MAP3K20: variants seen among roughly 807,000 people sequenced by gnomAD.
MAP3K20 encodes the protein mitogen-activated protein kinase kinase kinase 20.
Under a neutral mutation model 85.7 loss-of-function variants are expected in MAP3K20, and 40 were observed. The observed-to-expected ratio is 0.47, with a 90% CI of 0.36 to 0.61. MAP3K20 has a LOEUF of 0.61. Ranked by LOEUF, MAP3K20 falls within the 20% of genes least tolerant of loss-of-function variation. MAP3K20 has a pLI of 0.00. For missense variants in MAP3K20, 817 were observed against 961.7 expected, an observed-to-expected ratio of 0.85 and a Z score of 1.99; for synonymous variants, 325 against 327.7, an observed-to-expected ratio of 0.99 and a Z score of 0.09.
intron 7 of MAP3K20, chr2:173,193,016 C>A (rs1690709017): frequency 6.6e-6 from 1 of 152,178 alleles, no homozygotes; most frequent in South Asian, 2.1e-4. Context: ...ATGAAAAAGC[C>A]ACTCTGTATT....
At chr2:173,119,441 C>T (rs1688216249) in intron 2 of MAP3K20, among the ~76,000 whole-genome samples, 1 of 152,192 alleles carries the variant, frequency 6.6e-6, no homozygotes, top group Non-Finnish European at 1.5e-5. Flanking sequence ...CCATCATGGC[C>T]ACTGGAGGAA....
At chr2:173,240,798 G>T (rs1370288942) in intron 16 of MAP3K20, among the ~76,000 whole-genome samples, 1 of 152,168 alleles carries the variant, frequency 6.6e-6, no homozygotes, top group African/African-American at 2.4e-5. Context: ...TCAATATATT[G>T]AAGAGATATC....
chr2:173,107,891 C>T (rs1019859767), intron 2 of MAP3K20, among the ~76,000 whole-genome samples: 4 of 152,092 alleles, frequency 2.6e-5, no homozygotes, highest in African/African-American at 4.8e-5. Context: ...AGCAGACAGT[C>T]GGAACATATT....
At chr2:173,224,613 ATTGGCCTCAGTGAAGAGC>A in intron 11 of MAP3K20, 1 of 985,400 alleles carries the variant, frequency 1.0e-6, no homozygotes. Context: ...ATACAGCAGA[ATTGGCCTCAGTGAAGAGC>A]TTAAAATTGT....
intron 2 of MAP3K20, among the ~76,000 whole-genome samples, chr2:173,155,800 C>T (rs186576084): frequency 7.2e-5 from 11 of 152,272 alleles, no homozygotes; most frequent in Non-Finnish European, 1.6e-4. Context: ...GCGACTCTTC[C>T]ATTAAACGGA....
chr2:173,266,797 A>AG lies in MAP3K20; in HGVS notation c.*47_*48insG, dbSNP rs750011275. The AG allele has an allele frequency of 7.1e-4, 964 of 1,352,940 alleles. No individual in the cohort carries two copies. Among genetic ancestry groups the AG allele is most frequent in the South Asian group, 4.8e-3 (243 of 50,546 alleles). The allele number at this position is 1,352,940 out of a possible 1,614,324, so 83.8% of individuals were successfully genotyped here. A position where few individuals can be genotyped will look rare whatever the true frequency, so the allele number is the denominator to read the frequency against. On this transcript the variant is annotated 3_prime_UTR_variant, in exon 20 of 20. Transcript: ENST00000375213. ...TCTAAGCAGGTTAAAAAAAAAAAAA[A>AG]AAAGAAATGTAATGGTTTTTGATAA...
intron 2 of MAP3K20, among the ~76,000 whole-genome samples, chr2:173,134,422 A>ATTTT (rs1254043752): frequency 2.9e-3 from 18 of 6,162 alleles, no homozygotes; most frequent in African/African-American, 6.2e-3. Context: ...ATATATATAT[A>ATTTT]TATATATTTT....
intron 16 of MAP3K20, among the ~76,000 whole-genome samples, chr2:173,256,164 CCTGTTGAAGCCGACAGGCT>C (rs1685153182): frequency 6.6e-6 from 1 of 152,242 alleles, no homozygotes; most frequent in African/African-American, 2.4e-5. Context: ...CCCCCAGCTT[CCTGTTGAAGCCGACAGGCT>C]TTCAACAGCC....
intron 2 of MAP3K20, among the ~76,000 whole-genome samples, chr2:173,111,113 T>C (rs567993535): frequency 8.5e-4 from 130 of 152,326 alleles, no homozygotes; most frequent in Non-Finnish European, 1.5e-3. Flanking sequence ...ATTTTTTTGA[T>C]TATGGCCATT....
chr2:173,169,413 T>A (rs1242166041), intron 2 of MAP3K20, among the ~76,000 whole-genome samples: 3 of 152,148 alleles, frequency 2.0e-5, no homozygotes, highest in Non-Finnish European at 4.4e-5. Context: ...TATATACCTT[T>A]GTAAATGTAC....
intron 11 of MAP3K20, chr2:173,221,413 A>T: frequency 6.2e-7 from 1 of 1,614,052 alleles, no homozygotes; most frequent in South Asian, 1.1e-5. Flanking sequence ...CATCTAAGAG[A>T]AGGGGGAAGA....
chr2:173,102,430 A>G (rs909884899), intron 2 of MAP3K20, among the ~76,000 whole-genome samples: 5 of 152,350 alleles, frequency 3.3e-5, no homozygotes, highest in Non-Finnish European at 7.3e-5. Flanking sequence ...GTTTTTGAAC[A>G]TATTTCCCAA....
intron 11 of MAP3K20, chr2:173,223,145 T>C: frequency 1.0e-6 from 1 of 985,420 alleles, no homozygotes; most frequent in Non-Finnish European, 1.2e-6. Flanking sequence ...ATCAGTATGC[T>C]GTGCCAGCTT....
intron 5 of MAP3K20, 47 bp downstream of exon 5, chr2:173,187,670 T>C (rs1441555098): frequency 1.3e-6 from 2 of 1,488,086 alleles, no homozygotes; most frequent in East Asian, 4.6e-5. Flanking sequence ...ACAAATTACA[T>C]ACACTTGCAT....
intron 3 of MAP3K20, among the ~76,000 whole-genome samples, chr2:173,173,080 G>A (rs897633617): frequency 6.6e-5 from 10 of 151,942 alleles, no homozygotes; most frequent in African/African-American, 1.9e-4. Context: ...GTGAGCCACC[G>A]CGCCCAGCCT....
chr2:173,223,921 C>T, intron 11 of MAP3K20: 1 of 985,432 alleles, frequency 1.0e-6, no homozygotes, highest in Non-Finnish European at 1.2e-6. Flanking sequence ...AGTGGTCAGC[C>T]ACCTGAAGAG....
At chr2:173,224,562 T>C (rs886190936) in intron 11 of MAP3K20, 2 of 985,292 alleles carry the variant, frequency 2.0e-6, no homozygotes, top group African/African-American at 3.5e-5. Flanking sequence ...GAGATGGTCA[T>C]AGCTCATTAC....
intron 7 of MAP3K20, 130 bp downstream of exon 7, chr2:173,191,307 G>A: frequency 1.6e-6 from 2 of 1,281,956 alleles, no homozygotes; most frequent in Non-Finnish European, 2.1e-6. Flanking sequence ...GCCTAAAGCA[G>A]CACCATTGGA....
rs942200382 is a variant in MAP3K20 at position 173,266,483 on chromosome 2, A to C, written c.2136A>C (p.Gly712=). The C allele has an allele frequency of 1.2e-6, 2 of 1,614,048 alleles. No individual in the cohort carries two copies. The highest frequency in any genetic ancestry group is 2.7e-5 in the African/African-American group (2 of 74,906). ...CTCCTTCAAGAGGAAGATACCCTGGAAAGTTCTACAGGGTTTCTCAGTCAG... is the reference window on the plus strand; with the variant it reads ...CTCCTTCAAGAGGAAGATACCCTGGCAAGTTCTACAGGGTTTCTCAGTCAG... The part of the protein sequence containing the change: ...HSTPSRGRYP[G]KFYRVSQSAL... Residue 712 remains glycine, a synonymous_variant, in exon 20 of 20, where the codon GGA becomes GGC. Transcript: ENST00000375213.
Sources: gnomAD v4.1 joint callset for allele counts (sites outside exome capture counted in the v4.1 genomes callset) on GRCh38, gnomAD v4.1.1 for gene constraint, MANE v1.5 for transcripts, NCBI Gene and HGNC (gene_info 2026-07-23, HGNC 2026-07-21) for gene names.